Variants in CCDC91 observed in about 807,000 individuals in gnomAD.
CCDC91 encodes coiled-coil domain containing 91.
A neutral mutation model predicts 63.2 loss-of-function variants in CCDC91; 48 were observed. The observed-to-expected ratio is 0.76, with a 90% CI of 0.60 to 0.97. The LOEUF is 0.97. CCDC91 is among the 50% of genes least tolerant of loss of function. The pLI, the probability that CCDC91 is intolerant of heterozygous loss-of-function variation, is 0.00. For synonymous variants in CCDC91, 167 were observed against 165.8 expected (o/e 1.01, Z -0.06); for missense variants, 500 against 494.6 (o/e 1.01, Z -0.10).
At chr12:28,282,749 C>T (rs1195539130) in intron 3 of CCDC91, among the ~76,000 whole-genome samples, 7 of 152,026 alleles carry the variant, frequency 4.6e-5, no homozygotes, top group Non-Finnish European at 1.0e-4. Flanking sequence ...ACTGCATTTG[C>T]ATTTGGGATC....
intron 12 of CCDC91, among the ~76,000 whole-genome samples, chr12:28,524,353 A>G (rs1941057501): frequency 6.6e-6 from 1 of 151,830 alleles, no homozygotes; most frequent in Non-Finnish European, 1.5e-5. Flanking sequence ...ATTTTGTCAA[A>G]TGGCTCATGT....
Position 28,324,468 on chromosome 12 carries a change from T to A in CCDC91, c.576+16719T>A, listed in dbSNP as rs182565951. Among the ~76,000 whole-genome samples the A allele has an allele frequency of 6.6e-5, 10 of 152,028 alleles. No individual in the cohort carries two copies. The East Asian group carries it at 1.9e-3, about 30-fold the overall frequency. ...AACATTCTTTCCCTCAGCAATGCCA[T>A]TGCCCTAGCCTAGGGAGCAATCACC... On this transcript the variant is annotated intron_variant, in intron 6 of 12. Coordinates refer to ENST00000536442, the MANE Select transcript of CCDC91 (RefSeq NM_018318.5).
chr12:28,479,609 A>T (rs113805250), intron 11 of CCDC91, among the ~76,000 whole-genome samples: 8 of 152,118 alleles, frequency 5.3e-5, no homozygotes, highest in African/African-American at 1.7e-4. Flanking sequence ...AACTTAAAGT[A>T]TAATAAAAAT....
intron 6 of CCDC91, among the ~76,000 whole-genome samples, chr12:28,354,525 C>T (rs1198786750): frequency 6.6e-6 from 1 of 152,082 alleles, no homozygotes; most frequent in South Asian, 2.1e-4. Context: ...CATAATTCAA[C>T]CCACTACAAG....
intron 6 of CCDC91, among the ~76,000 whole-genome samples, chr12:28,311,766 A>G (rs1053165864): frequency 4.6e-5 from 7 of 151,768 alleles, no homozygotes; most frequent in Admixed American, 4.6e-4. Flanking sequence ...ATTGTCTAAA[A>G]GTTTTCTGTC....
chr12:28,381,913 T>G (rs1945319851), intron 7 of CCDC91, among the ~76,000 whole-genome samples: 1 of 152,154 alleles, frequency 6.6e-6, no homozygotes, highest in Non-Finnish European at 1.5e-5. Context: ...GCAGGGGACC[T>G]CTGGCCCTGT....
At chr12:28,329,348 C>T (rs1941295165) in intron 6 of CCDC91, among the ~76,000 whole-genome samples, 1 of 152,126 alleles carries the variant, frequency 6.6e-6, no homozygotes, top group Non-Finnish European at 1.5e-5. Flanking sequence ...CCACCAAATT[C>T]TTCCTTTTGC....
intron 3 of CCDC91, among the ~76,000 whole-genome samples, chr12:28,265,871 A>T (rs1451786409): frequency 2.0e-5 from 3 of 152,046 alleles, no homozygotes; most frequent in Non-Finnish European, 4.4e-5. Context: ...TAATGCTTAA[A>T]AACTTTCCGT....
At chr12:28,545,235 A>G (rs1310320833) in intron 12 of CCDC91, among the ~76,000 whole-genome samples, 3 of 152,096 alleles carry the variant, frequency 2.0e-5, no homozygotes, top group African/African-American at 4.8e-5. Flanking sequence ...AATGAAAGCC[A>G]CAAATACAGA....
chr12:28,460,435 A>C (rs983536331), intron 11 of CCDC91, among the ~76,000 whole-genome samples: 1 of 152,154 alleles, frequency 6.6e-6, no homozygotes, highest in African/African-American at 2.4e-5. Context: ...GTTAGATTTG[A>C]GTCCTAGCTT....
At chr12:28,354,946 T>A (rs16932773) in intron 6 of CCDC91, among the ~76,000 whole-genome samples, 1 of 152,178 alleles carries the variant, frequency 6.6e-6, no homozygotes, top group African/African-American at 2.4e-5. Flanking sequence ...CCCATACAAG[T>A]AGGCAAAGCT....
At chr12:28,518,455 T>TTTGATAATTGTGTA (rs139641574) in intron 12 of CCDC91, among the ~76,000 whole-genome samples, 14,622 of 151,868 alleles carry the variant, frequency 0.096, 1,862 homozygotes, top group African/African-American at 0.3. Context: ...TATTCATTCT[T>TTTGATAATTGTGTA]TTGATAATTG....
At chr12:28,448,548 C>G (rs1949647442) in intron 8 of CCDC91, among the ~76,000 whole-genome samples, 1 of 152,102 alleles carries the variant, frequency 6.6e-6, no homozygotes, top group Admixed American at 6.5e-5. Context: ...GTCATTTTAG[C>G]TAATGTACCC....
chr12:28,214,023 C>T (rs1943406577), intron 1 of CCDC91, among the ~76,000 whole-genome samples: 1 of 152,088 alleles, frequency 6.6e-6, no homozygotes, highest in Non-Finnish European at 1.5e-5. Flanking sequence ...ACAGGAGTGG[C>T]ACCAGTCATT....
chr12:28,296,022 A>AT (rs895947067), intron 3 of CCDC91, among the ~76,000 whole-genome samples: 6 of 151,564 alleles, frequency 4.0e-5, no homozygotes, highest in East Asian at 1.9e-4. Context: ...TCCTTATATC[A>AT]TTTTTTATTG....
chr12:28,368,383 T>C (rs1944406713), intron 7 of CCDC91, among the ~76,000 whole-genome samples: 1 of 152,242 alleles, frequency 6.6e-6, no homozygotes, highest in African/African-American at 2.4e-5. Flanking sequence ...TTTTATGGCC[T>C]AGCCTCTGAT....
chr12:28,295,926 A>G (rs978766251), intron 3 of CCDC91, among the ~76,000 whole-genome samples: 10 of 152,046 alleles, frequency 6.6e-5, no homozygotes, highest in African/African-American at 2.4e-4. Flanking sequence ...AAAAGAAAAA[A>G]GCCTTTTATT....
chr12:28,421,360 C>T (rs1312598859), intron 8 of CCDC91, among the ~76,000 whole-genome samples: 1 of 151,948 alleles, frequency 6.6e-6, no homozygotes, highest in Non-Finnish European at 1.5e-5. Flanking sequence ...TCCCTCTTCC[C>T]ACCCTCCACC....
chr12:28,256,257 C>A (rs748278658), intron 1 of CCDC91, among the ~76,000 whole-genome samples: 1 of 152,090 alleles, frequency 6.6e-6, no homozygotes, highest in Non-Finnish European at 1.5e-5. Context: ...CCAATTATTA[C>A]TGACTAGAGT....
Sources: gnomAD v4.1 joint callset for allele counts (sites outside exome capture counted in the v4.1 genomes callset) on GRCh38, gnomAD v4.1.1 for gene constraint, MANE v1.5 for transcripts, NCBI Gene and HGNC (gene_info 2026-07-23, HGNC 2026-07-21) for gene names.